GXYLT2: variants seen among roughly 807,000 people sequenced by gnomAD.
The protein encoded by GXYLT2 is glucoside xylosyltransferase 2.
In GXYLT2, 53 loss-of-function variants were observed where a neutral mutation model predicts 45.8. The observed-to-expected ratio is 1.16, with a 90% CI of 0.93 to 1.46. The LOEUF is 1.46. Among genes scored for constraint, GXYLT2 ranks in the 40% most tolerant of loss-of-function variants. The pLI is 0.00. For synonymous variants in GXYLT2, 219 were observed against 214.2 expected (o/e 1.02, Z -0.19); for missense variants, 551 against 544.4 (o/e 1.01, Z -0.12).
rs754165153 is a variant in GXYLT2 at position 72,908,368 on chromosome 3, A to C, written c.277A>C (p.Arg93=). ...GAARLEKLAR[R]PGEPRSFQAV... ...TTCACTTGTTTTCCCTCTTTCTAGG[A>C]GGCCTGGAGAACCCAGGAGTTTCCA... Residue 93 remains arginine (R), a splice_region_variant and synonymous_variant, in exon 2 of 7, where the codon AGG becomes CGG. Transcript: ENST00000389617. The C allele has an allele frequency of 1.3e-6, 2 of 1,579,222 alleles. No individual in the cohort carries two copies. Among genetic ancestry groups the C allele is most frequent in the Non-Finnish European group, 1.7e-6 (2 of 1,168,284 alleles).
At chr3:72,964,098 C>T (rs533368010) in intron 5 of GXYLT2, among the ~76,000 whole-genome samples, 9 of 151,656 alleles carry the variant, frequency 5.9e-5, no homozygotes, top group Non-Finnish European at 2.9e-5. Flanking sequence ...GCATGAGCCA[C>T]CATGCCCGGC....
At chr3:72,915,369 G>GGGGGAA (rs1709720614) in intron 2 of GXYLT2, among the ~76,000 whole-genome samples, 1 of 82,398 alleles carries the variant, frequency 1.2e-5, no homozygotes, top group Non-Finnish European at 2.1e-5. Flanking sequence ...GGGGGGGGGG[G>GGGGGAA]ATTTAGGAAA....
chr3:72,956,016 T>C (rs534200381), intron 4 of GXYLT2, among the ~76,000 whole-genome samples: 1 of 152,304 alleles, frequency 6.6e-6, no homozygotes, highest in Non-Finnish European at 1.5e-5. Flanking sequence ...CAGCAGAGGT[T>C]GCAGTGAGCC....
chr3:72,965,823 G>C (rs1473482608), intron 5 of GXYLT2, among the ~76,000 whole-genome samples: 1 of 152,198 alleles, frequency 6.6e-6, no homozygotes, highest in Non-Finnish European at 1.5e-5. Flanking sequence ...AATTGCCCCT[G>C]GTTGAGAACC....
intron 3 of GXYLT2, among the ~76,000 whole-genome samples, chr3:72,922,863 A>G (rs2102182): frequency 0.18 from 27,935 of 152,138 alleles, 3,966 homozygotes; most frequent in African/African-American, 0.4. Flanking sequence ...TCACACCTAT[A>G]ATCCCAGTAC....
chr3:72,952,552 G>A lies in GXYLT2; in HGVS notation c.601-2546G>A, dbSNP rs553760053. The stretch of plus-strand genomic sequence containing the variant: ...GTTATACTAGTCTGCTTGGGCTGCC[G>A]TAACAAAATACAAGACTGGGTGGCT... On this transcript the variant is annotated intron_variant, in intron 3 of 6. Transcript: ENST00000389617. 8.5e-5 allele frequency among the ~76,000 whole-genome samples: 13 copies of A among 152,132 alleles called. No individual in the cohort carries two copies. The East Asian group carries it at 2.1e-3, about 25-fold the overall frequency.
intron 1 of GXYLT2, among the ~76,000 whole-genome samples, chr3:72,907,203 G>A (rs1340182586): frequency 2.0e-5 from 3 of 152,140 alleles, no homozygotes; most frequent in Admixed American, 1.3e-4. Context: ...GTAACTCTCC[G>A]CATCTGGTCT....
At position 72,975,124 on chromosome 3, in the gene GXYLT2, G is replaced by A. The variant is rs541566998; in HGVS notation, c.1297G>A (p.Val433Ile). Residue 433 changes from valine to isoleucine, a missense_variant, in exon 7 of 7, where the codon GTC becomes ATC. Coordinates refer to ENST00000389617, the MANE Select transcript of GXYLT2 (RefSeq NM_001080393.2). ...KTMKRAYEKH[V>I]IIHVGPNQMH ...AATGAAAAGGGCTTATGAGAAACAC[G>A]TCATCATCCATGTTGGCCCCAACCA... The A allele has an allele frequency of 1.2e-5, 19 of 1,613,636 alleles. No homozygotes were observed. The highest frequency in any genetic ancestry group is 3.3e-5 in the South Asian group (3 of 91,022).
At chr3:72,951,220 A>G (rs973804964) in intron 3 of GXYLT2, among the ~76,000 whole-genome samples, 3 of 151,936 alleles carry the variant, frequency 2.0e-5, no homozygotes, top group Non-Finnish European at 2.9e-5. Flanking sequence ...GTTTTTTCAG[A>G]TAAAGAGTAA....
At chr3:72,905,733 T>C (rs911114236) in intron 1 of GXYLT2, among the ~76,000 whole-genome samples, 4 of 152,216 alleles carry the variant, frequency 2.6e-5, no homozygotes, top group African/African-American at 9.6e-5. Flanking sequence ...CAGTCCAACT[T>C]ACACTGCCCC....
At chr3:72,935,627 C>T (rs1323393995) in intron 3 of GXYLT2, among the ~76,000 whole-genome samples, 7 of 152,200 alleles carry the variant, frequency 4.6e-5, no homozygotes, top group Admixed American at 4.6e-4. Context: ...GAAAAAGTCA[C>T]ATTCCCCAAA....
At chr3:72,928,504 G>A (rs1709960519) in intron 3 of GXYLT2, among the ~76,000 whole-genome samples, 1 of 152,204 alleles carries the variant, frequency 6.6e-6, no homozygotes. Context: ...ATTTCTTATT[G>A]CTACTAGCTA....
chr3:72,921,644 G>T (rs1367214785), intron 2 of GXYLT2, among the ~76,000 whole-genome samples: 1 of 151,958 alleles, frequency 6.6e-6, no homozygotes, highest in Non-Finnish European at 1.5e-5. Flanking sequence ...GGCCAGGCTG[G>T]TCTCAAACTT....
At chr3:72,891,448 C>G (rs902980398) in intron 1 of GXYLT2, among the ~76,000 whole-genome samples, 26 of 152,122 alleles carry the variant, frequency 1.7e-4, no homozygotes, top group Admixed American at 1.7e-3. Flanking sequence ...GTAGGCAGAC[C>G]CTTCAATTTT....
At chr3:72,901,160 G>A (rs1024783892) in intron 1 of GXYLT2, among the ~76,000 whole-genome samples, 3 of 152,076 alleles carry the variant, frequency 2.0e-5, no homozygotes, top group African/African-American at 7.2e-5. Flanking sequence ...GTGGTGGCAG[G>A]TGCCTGTAGT....
intron 5 of GXYLT2, among the ~76,000 whole-genome samples, chr3:72,967,161 G>T (rs553385365): frequency 6.6e-6 from 1 of 152,310 alleles, no homozygotes; most frequent in South Asian, 2.1e-4. Flanking sequence ...ATCAAAATAA[G>T]ATAGAGGTTG....
chr3:72,931,374 T>C (rs1710032160), intron 3 of GXYLT2, among the ~76,000 whole-genome samples: 1 of 151,740 alleles, frequency 6.6e-6, no homozygotes. Context: ...GGACTACAGG[T>C]GCCCGTCACC....
intron 1 of GXYLT2, among the ~76,000 whole-genome samples, chr3:72,902,804 G>C (rs1709432807): frequency 6.6e-6 from 1 of 152,118 alleles, no homozygotes; most frequent in Non-Finnish European, 1.5e-5. Context: ...CACGAGGTCA[G>C]GAGTTTGAGA....
chr3:72,891,165 T>C (rs1305809035), intron 1 of GXYLT2, among the ~76,000 whole-genome samples: 1 of 152,142 alleles, frequency 6.6e-6, no homozygotes, highest in Admixed American at 6.5e-5. Context: ...TGCTTTAATC[T>C]CTTTACATGG....
Sources: allele counts gnomAD v4.1 joint callset (sites outside exome capture counted in the v4.1 genomes callset), GRCh38; gene constraint gnomAD v4.1.1; transcripts MANE v1.5; gene names NCBI Gene and HGNC (gene_info 2026-07-23, HGNC 2026-07-21).